ZFYVE26: variants seen among roughly 807,000 people sequenced by gnomAD.
The protein encoded by ZFYVE26 is zinc finger FYVE domain-containing protein 26.
In ZFYVE26, 181 loss-of-function variants were observed where a neutral mutation model predicts 276.5. That is an observed-to-expected ratio of 0.65 (90% confidence interval 0.58 to 0.74). The LOEUF is 0.74. Ranked by LOEUF, ZFYVE26 falls within the 30% of genes least tolerant of loss-of-function variation. The pLI is 0.00. For synonymous variants in ZFYVE26, 1,129 were observed against 1,203.1 expected (o/e 0.94, Z 1.27); for missense variants, 2,821 against 3,097.9 (o/e 0.91, Z 2.12).
intron 13 of ZFYVE26, among the ~76,000 whole-genome samples, chr14:67,736,568 T>C (rs1393018644): frequency 1.3e-5 from 2 of 152,220 alleles, no homozygotes; most frequent in East Asian, 3.8e-4. Flanking sequence ...AATATCTTTA[T>C]GCCCTTGGAA....
intron 14 of ZFYVE26, among the ~76,000 whole-genome samples, chr14:67,791,701 G>A (rs1261538574): frequency 6.6e-6 from 1 of 151,548 alleles, no homozygotes; most frequent in Non-Finnish European, 1.5e-5. Flanking sequence ...AGGAGAAGTG[G>A]AGGACATTTA....
At chr14:67,763,499 G>C (rs1320116114) in intron 32 of ZFYVE26, among the ~76,000 whole-genome samples, 1 of 152,034 alleles carries the variant, frequency 6.6e-6, no homozygotes, top group Non-Finnish European at 1.5e-5. Flanking sequence ...TGTTACAATT[G>C]CCTACAGTAT....
At chr14:67,741,939 C>G (rs1447444839), downstream of ZFYVE26, among the ~76,000 whole-genome samples, 2 of 152,226 alleles carry the variant, frequency 1.3e-5, no homozygotes, top group African/African-American at 4.8e-5. Flanking sequence ...CCTCCTACTC[C>G]TCCAACTTTC....
rs554855627 is a variant in ZFYVE26, at chr14:67,780,619, G to A, written c.4570-274C>T. On this transcript the variant is annotated intron_variant, in intron 22 of 41. Coordinates refer to ENST00000347230, the MANE Select transcript of ZFYVE26 (RefSeq NM_015346.4). ...ACAGTGCTCTCATGCTTCCCAGATT[G>A]TTCTGGGGTCACCTGTCCCATGCTC... Among the ~76,000 whole-genome samples the A allele has an allele frequency of 1.6e-4, 24 of 152,300 alleles. No individual in the cohort carries two copies. The East Asian group carries it at 1.7e-3, about 11-fold the overall frequency.
rs183282057 is a variant in ZFYVE26 at position 67,785,894 on chromosome 14, C to T, written c.3268G>A (p.Val1090Ile). 4.3e-6 allele frequency: 7 copies of T among 1,614,136 alleles called. No homozygotes were observed. The highest frequency in any genetic ancestry group is 3.3e-5 in the Admixed American group (2 of 60,016). The change falls in exon 18 of 42, where the codon GTC becomes ATC. Residue 1090 changes from valine to isoleucine, a missense_variant. Transcript: ENST00000347230. ...AGTGCCTCTCTCAGTGACTGAAGGA[C>T]CTGATCTAGCTGCTGGGAGAGGGTG... is the stretch of plus-strand genomic sequence containing the variant. ...HTTLSQQLDQ[V>I]LQSLREALEL...
In ZFYVE26 at chr14:67,769,531, G is replaced by C. The variant is rs886396566; in HGVS notation, c.5621+63C>G. On this transcript the variant is annotated intron_variant, in intron 29 of 41. Coordinates refer to ENST00000347230, the MANE Select transcript of ZFYVE26 (RefSeq NM_015346.4). ...CTCTCATAATGAGACTCCTAGGAGT[G>C]TAGGGACCTGCGGAAGGGTGCAGCG... 3.7e-5 allele frequency: 60 copies of C among 1,609,600 alleles called. No individual in the cohort carries two copies. In the East Asian group the frequency reaches 1.3e-3, roughly 35 times the overall value.
intron 32 of ZFYVE26, among the ~76,000 whole-genome samples, chr14:67,765,266 A>C (rs2039027195): frequency 6.6e-6 from 1 of 152,162 alleles, no homozygotes; most frequent in South Asian, 2.1e-4. Context: ...AAAAATAATA[A>C]AAATTACTAA....
chr14:67,775,780 G>T, intron 26 of ZFYVE26, 80 bp downstream of exon 26: 1 of 1,606,776 alleles, frequency 6.2e-7, no homozygotes, highest in South Asian at 1.1e-5. Flanking sequence ...AATATTAAAA[G>T]GGGAGCAAAT....
rs1304915872 is a variant in ZFYVE26 at position 67,816,010 on chromosome 14, G to A, written c.-47C>T. The A allele has an allele frequency of 2.0e-6, 3 of 1,469,514 alleles. No homozygotes were observed. The highest frequency in any genetic ancestry group is 2.4e-5 in the East Asian group (1 of 42,274). The allele number at this position is 1,469,514 out of a possible 1,614,324, so 91.0% of individuals were successfully genotyped here. The stretch of plus-strand genomic sequence containing the variant: ...GAGATACAAAGAAATGAGTTATGCC[G>A]AACACATTCTCAATGTTCTCATTCG... On this transcript the variant is annotated 5_prime_UTR_variant, in exon 2 of 42. Coordinates refer to ENST00000347230, the MANE Select transcript of ZFYVE26 (RefSeq NM_015346.4).
At position 67,798,186 on chromosome 14, in the gene ZFYVE26, G is replaced by C; in HGVS notation, c.2076C>G (p.Leu692=). 1 of 1,614,180 alleles carries C rather than the reference G, an allele frequency of 6.2e-7. No homozygotes were observed. The highest frequency in any genetic ancestry group is 8.5e-7 in the Non-Finnish European group (1 of 1,180,024). ...EFAIGAFLRL[L]QEQLDEISSR... ...TACTGATCTCATCCAGTTGCTCTTG[G>C]AGAAGCCTGAGGAAGGCCCCTATTG... Residue 692 remains leucine (L), a synonymous_variant, in exon 11 of 42, where the codon CTC becomes CTG. Coordinates refer to ENST00000347230, the MANE Select transcript of ZFYVE26 (RefSeq NM_015346.4).
intron 29 of ZFYVE26, 59 bp from the exon 30 acceptor site, chr14:67,768,607 G>A: frequency 6.4e-7 from 1 of 1,551,602 alleles, no homozygotes. Flanking sequence ...TTTGTTTTGA[G>A]CTTCGTAGAC....
intron 29 of ZFYVE26, 63 bp from the exon 30 acceptor site, chr14:67,768,611 C>T (rs1010118010): frequency 1.2e-5 from 19 of 1,523,698 alleles, no homozygotes; most frequent in African/African-American, 5.5e-5. Flanking sequence ...TTTTGAGCTT[C>T]GTAGACAGCA....
At chr14:67,761,772 AAAT>A (rs1566868000) in intron 34 of ZFYVE26, 188 bp from the exon 35 acceptor site, 3 of 3,326 alleles carry the variant, frequency 9.0e-4, no homozygotes, top group East Asian at 1.2e-3. Context: ...ATAAAAAAAC[AAAT>A]AAAGAAAGAA....
At chr14:67,745,783 C>T (rs1448011900), downstream of ZFYVE26, among the ~76,000 whole-genome samples, 1 of 151,616 alleles carries the variant, frequency 6.6e-6, no homozygotes, top group Non-Finnish European at 1.5e-5. Context: ...AATTCTAGCA[C>T]TTTGGGAGGA....
chr14:67,742,455 T>C (rs1031649023), downstream of ZFYVE26, among the ~76,000 whole-genome samples: 9 of 152,248 alleles, frequency 5.9e-5, no homozygotes, highest in Middle Eastern at 3.2e-3. Context: ...TCAAGGATCC[T>C]AGGCTCTGTA....
chr14:67,777,556 T>A lies in ZFYVE26; in HGVS notation c.4974+3A>T. 6.2e-7 allele frequency: 1 copy of A among 1,613,686 alleles called. No homozygotes were observed. Among genetic ancestry groups the A allele is most frequent in the Non-Finnish European group, 8.5e-7 (1 of 1,179,928 alleles). ...GCGCCTGGATTTCACGGTGTATCCT[T>A]ACCTTGGATCCCACATACAGCGCCT... On this transcript the variant is annotated splice_donor_region_variant and intron_variant, in intron 25 of 41. Coordinates refer to ENST00000347230, the MANE Select transcript of ZFYVE26 (RefSeq NM_015346.4).
intron 12 of ZFYVE26, 40 bp downstream of exon 12, chr14:67,797,632 A>G: frequency 1.9e-6 from 3 of 1,600,078 alleles, no homozygotes; most frequent in Non-Finnish European, 2.6e-6. Flanking sequence ...GCAGCATTAC[A>G]CCACTTGCCT....
At chr14:67,732,644 T>C (rs899278651) in intron 13 of ZFYVE26, among the ~76,000 whole-genome samples, 1 of 152,098 alleles carries the variant, frequency 6.6e-6, no homozygotes, top group African/African-American at 2.4e-5. Flanking sequence ...TGGCGTGATC[T>C]CCACTCACTG....
At position 67,762,823 on chromosome 14, in the gene ZFYVE26, C is replaced by T. The variant is rs879007495; in HGVS notation, c.6012-4G>A. 1 of 1,613,868 alleles carries T rather than the reference C, an allele frequency of 6.2e-7. No individual in the cohort carries two copies. ...CACATCTACCTTGCTGATGTAGCTA[C>T]AAGGAGGAAAAGGGCAAGGCCATGA... On this transcript the variant is annotated splice_region_variant and splice_polypyrimidine_tract_variant and intron_variant, in intron 32 of 41. Transcript: ENST00000347230.
Sources: gnomAD v4.1 joint callset for allele counts (sites outside exome capture counted in the v4.1 genomes callset) on GRCh38, gnomAD v4.1.1 for gene constraint, MANE v1.5 for transcripts, NCBI Gene and HGNC (gene_info 2026-07-23, HGNC 2026-07-21) for gene names.